TERT: variants seen among roughly 807,000 people sequenced by gnomAD.
The protein encoded by TERT is telomerase catalytic subunit.
Under a neutral mutation model 104.0 loss-of-function variants are expected in TERT, and 42 were observed. The observed-to-expected ratio is 0.40, with a 90% CI of 0.32 to 0.52. The LOEUF is 0.52. Ranked by LOEUF, TERT falls within the 20% of genes least tolerant of loss-of-function variation. TERT has a pLI of 0.43. For synonymous variants in TERT, 781 were observed against 725.6 expected, an observed-to-expected ratio of 1.08 and a Z score of -1.23; for missense variants, 1,101 against 1,610.3, an observed-to-expected ratio of 0.68 and a Z score of 5.41.
intron 6 of TERT, among the ~76,000 whole-genome samples, chr5:1,277,706 G>A (rs1394374227): frequency 6.6e-6 from 1 of 152,092 alleles, no homozygotes; most frequent in Non-Finnish European, 1.5e-5. Context: ...TCTACACCTG[G>A]GCACAGGTGG....
At chr5:1,280,001 C>T (rs1274201038) in intron 4 of TERT, among the ~76,000 whole-genome samples, 157 bp downstream of exon 4, 3 of 152,224 alleles carry the variant, frequency 2.0e-5, no homozygotes, top group African/African-American at 4.8e-5. Context: ...ACCGGCACCT[C>T]GGCCACCTCA....
rs565428214 is a variant in TERT at position 1,269,176 on chromosome 5, C to A, written c.2469-543G>T. Among the ~76,000 whole-genome samples the A allele has an allele frequency of 1.2e-3, 184 of 152,300 alleles. 2 individuals are homozygous for A. The highest frequency in any genetic ancestry group is 4.1e-3 in the African/African-American group (169 of 41,558). ...GCCCCGTGGAACCTAAAGGTGCACACAGAAGGCATGGCTGCCACGCGACCC... is the reference window on the plus strand; with the variant it reads ...GCCCCGTGGAACCTAAAGGTGCACAAAGAAGGCATGGCTGCCACGCGACCC... On this transcript the variant is annotated intron_variant, in intron 8 of 15. Transcript: ENST00000310581. This position sits in a 1 kb window ranked among gnomAD's most constrained non-coding sequence, Gnocchi z 9.0.
At chr5:1,254,255 A>T in intron 15 of TERT, 113 bp downstream of exon 15, 1 of 1,447,942 alleles carries the variant, frequency 6.9e-7, no homozygotes, top group Non-Finnish European at 9.6e-7. Context: ...CCCCAGGGTC[A>T]GGCCCGGGGG....
chr5:1,274,081 A>G lies in TERT; in HGVS notation c.2287-1801T>C, dbSNP rs1465624076. ...GGATGTGAGCAGGCACGTGACACAC[A>G]CTAACACGGACACAGGAGGCCTCGA... On this transcript the variant is annotated intron_variant, in intron 6 of 15. Coordinates refer to ENST00000310581, the MANE Select transcript of TERT (RefSeq NM_198253.3). The surrounding 1 kb of genome is among the most constrained non-coding windows in gnomAD (Gnocchi z 5.3). 6.6e-6 allele frequency among the ~76,000 whole-genome samples: 1 copy of G among 152,176 alleles called. No homozygotes were observed. Among genetic ancestry groups the G allele is most frequent in the Non-Finnish European group, 1.5e-5 (1 of 68,036 alleles).
intron 2 of TERT, among the ~76,000 whole-genome samples, chr5:1,284,284 C>T: frequency 1.1e-5 from 1 of 93,902 alleles, no homozygotes; most frequent in Non-Finnish European, 2.2e-5. Context: ...AGACCTGCAC[C>T]ATCCAGACGC....
Position 1,262,270 on chromosome 5 carries a change from A to G in TERT, c.2844-1670T>C, listed in dbSNP as rs537969429. On this transcript the variant is annotated intron_variant, in intron 11 of 15. Coordinates refer to ENST00000310581, the MANE Select transcript of TERT (RefSeq NM_198253.3). This position sits in a 1 kb window ranked among gnomAD's most constrained non-coding sequence, Gnocchi z 5.6. ...TTTCTCAGAAAAAAAAATTACACAC[A>G]CACTCTCTTTTCCATCAGCTGTGCC... Among the ~76,000 whole-genome samples, 4 of 152,262 alleles carry G rather than the reference A, an allele frequency of 2.6e-5. No individual in the cohort carries two copies. In the South Asian group the frequency reaches 8.3e-4, roughly 32 times the overall value.
chr5:1,276,580 C>A (rs911970644), intron 6 of TERT, among the ~76,000 whole-genome samples: 2 of 150,728 alleles, frequency 1.3e-5, no homozygotes, highest in Admixed American at 6.6e-5. Flanking sequence ...CACATAAAAA[C>A]CAATCCCACA....
rs35192176 is a variant in TERT at position 1,274,612 on chromosome 5, C to A, written c.2287-2332G>T. ...CGCACAGTTCTCAGTAGGGTGTGTG[C>A]GCCTCTGAGCACCGCATGCCACTGC... On this transcript the variant is annotated intron_variant, in intron 6 of 15. Transcript: ENST00000310581. The surrounding 1 kb of genome is among the most constrained non-coding windows in gnomAD (Gnocchi z 5.3). Among the ~76,000 whole-genome samples the A allele has an allele frequency of 6.8e-3, 1,030 of 152,286 alleles. 19 individuals are homozygous for A. The highest frequency in any genetic ancestry group is 0.024 in the African/African-American group (989 of 41,562).
intron 9 of TERT, among the ~76,000 whole-genome samples, chr5:1,267,207 A>G (rs983566846): frequency 6.6e-6 from 1 of 152,280 alleles, no homozygotes; most frequent in Non-Finnish European, 1.5e-5. Context: ...AATTGGAGCT[A>G]GAGTTTCAAA....
chr5:1,290,590 G>T (rs1448007410), intron 2 of TERT, among the ~76,000 whole-genome samples: 3 of 68,924 alleles, frequency 4.4e-5, no homozygotes, highest in African/African-American at 9.3e-5. Context: ...AGGGACACCC[G>T]GGGACCGCGC....
At position 1,254,361 on chromosome 5, in the gene TERT, C is replaced by A; in HGVS notation, c.3295+7G>T. On this transcript the variant is annotated splice_region_variant and intron_variant, in intron 15 of 15. Transcript: ENST00000310581. The stretch of plus-strand genomic sequence containing the variant: ...TGGGGCCCGCACTGGCCTCCACCCA[C>A]ACTTGCCTGTCCTGAGTGACCCCAG... The A allele has an allele frequency of 1.9e-6, 3 of 1,612,878 alleles. No homozygotes were observed. The highest frequency in any genetic ancestry group is 2.5e-6 in the Non-Finnish European group (3 of 1,179,918).
Position 1,268,384 on chromosome 5 carries a change from A to G in TERT, c.2582+136T>C, listed in dbSNP as rs914992494. 5 of 718,318 alleles carry G rather than the reference A, an allele frequency of 7.0e-6. No homozygotes were observed. The Admixed American group carries it at 1.1e-4, about 16-fold the overall frequency. The allele number at this position is 718,318 out of a possible 1,614,324, so 44.5% of individuals were successfully genotyped here. On this transcript the variant is annotated intron_variant, in intron 9 of 15. Transcript: ENST00000310581. The surrounding 1 kb of genome is among the most constrained non-coding windows in gnomAD (Gnocchi z 5.5). ...ACCCCTCCCGTGCGGCTTCATACCA[A>G]GAAGGGGCTGCAACCTTGTCTGGTT...
At chr5:1,290,678 A>G (rs377593135) in intron 2 of TERT, among the ~76,000 whole-genome samples, 24 of 36,284 alleles carry the variant, frequency 6.6e-4, no homozygotes, top group Admixed American at 9.5e-4. Flanking sequence ...ACACCCGGGG[A>G]CCGTGCCTCA....
intron 2 of TERT, 98 bp from the exon 3 acceptor site, chr5:1,282,722 G>T: frequency 7.8e-7 from 1 of 1,288,864 alleles, no homozygotes; most frequent in South Asian, 1.2e-5. Context: ...AGCTCACCAA[G>T]GGCCTGGCGA....
At position 1,281,917 on chromosome 5, in the gene TERT, G is replaced by A. The variant is rs560391111; in HGVS notation, c.1769+512C>T. Among the ~76,000 whole-genome samples the A allele has an allele frequency of 4.6e-5, 7 of 152,166 alleles. No individual in the cohort carries two copies. The South Asian group carries it at 1.2e-3, about 27-fold the overall frequency. On this transcript the variant is annotated intron_variant, in intron 3 of 15. Coordinates refer to ENST00000310581, the MANE Select transcript of TERT (RefSeq NM_198253.3). The stretch of plus-strand genomic sequence containing the variant: ...AGCCTGGCCAACATGGTGAAACCCC[G>A]TCTCTCCTAAAAGTACAAAAATTAG...
In TERT at chr5:1,266,321, C is replaced by T; in HGVS notation, c.2654+143G>A. The stretch of plus-strand genomic sequence containing the variant: ...CAGGCCTGGGTGCACGGCCAAGCGC[C>T]TCTGCTCTTGCGGATCCAGCACCGG... On this transcript the variant is annotated intron_variant, in intron 10 of 15. Coordinates refer to ENST00000310581, the MANE Select transcript of TERT (RefSeq NM_198253.3). 5 of 837,854 alleles carry T rather than the reference C, an allele frequency of 6.0e-6. No homozygotes were observed. In the South Asian group the frequency reaches 7.3e-5, roughly 12 times the overall value. The allele number at this position is 837,854 out of a possible 1,614,324, so 51.9% of individuals were successfully genotyped here. A position where few individuals can be genotyped will look rare whatever the true frequency, so the allele number is the denominator to read the frequency against.
Position 1,257,774 on chromosome 5 carries a change from T to C in TERT, c.3032+824A>G, listed in dbSNP as rs191706551. Among the ~76,000 whole-genome samples, 73 of 152,356 alleles carry C rather than the reference T, an allele frequency of 4.8e-4. 1 individual carries two copies. In the East Asian group the frequency reaches 0.013, roughly 27 times the overall value. On this transcript the variant is annotated intron_variant, in intron 13 of 15. Coordinates refer to ENST00000310581, the MANE Select transcript of TERT (RefSeq NM_198253.3). The surrounding 1 kb of genome is among the most constrained non-coding windows in gnomAD (Gnocchi z 5.6). ...GACGACGACCTCATTTCACATCAAG[T>C]GTGCACGGTAATTCGCGCAGCCTCG...
intron 9 of TERT, among the ~76,000 whole-genome samples, chr5:1,267,689 A>G (rs1354466337): frequency 1.3e-5 from 2 of 152,224 alleles, no homozygotes; most frequent in African/African-American, 2.4e-5. Context: ...TTGTAGGGAC[A>G]TGGACGAAGC....
intron 6 of TERT, among the ~76,000 whole-genome samples, chr5:1,277,710 C>T (rs1056293594): frequency 3.3e-5 from 5 of 152,086 alleles, no homozygotes; most frequent in South Asian, 2.1e-4. Flanking sequence ...CACCTGGGCA[C>T]AGGTGGTGGC....
Sources: gnomAD v4.1 joint callset for allele counts (sites outside exome capture counted in the v4.1 genomes callset) on GRCh38, gnomAD v4.1.1 for gene constraint, Gnocchi (gnomAD v3.1) non-coding constraint, MANE v1.5 for transcripts, NCBI Gene and HGNC (gene_info 2026-07-23, HGNC 2026-07-21) for gene names.